MBD5: variants seen among roughly 807,000 people sequenced by gnomAD.
The protein encoded by MBD5 is methyl-CpG binding domain protein 5, also known as methyl-CpG-binding domain protein 5.
In MBD5, 13 loss-of-function variants were observed where a neutral mutation model predicts 117.3. The ratio of observed to expected loss-of-function variants is 0.11; its 90% CI spans 0.07 to 0.18. The LOEUF (loss-of-function observed/expected upper bound fraction) is 0.18, where lower values mean the gene tolerates loss of function less well. Ranked by LOEUF, MBD5 falls within the 10% of genes least tolerant of loss-of-function variation. MBD5 has a pLI of 1.00. For missense variants in MBD5, 1,879 were observed against 2,093.8 expected (o/e 0.90, Z 2.00); for synonymous variants, 727 against 766.4 (o/e 0.95, Z 0.85).
chr2:148,231,071 A>AC (rs892273290), intron 2 of MBD5, among the ~76,000 whole-genome samples: 1 of 151,228 alleles, frequency 6.6e-6, no homozygotes, highest in East Asian at 2.0e-4. Context: ...TAAGTCACAT[A>AC]CCCCCCTCCT....
rs760555137 is a variant in MBD5 at position 148,512,986 on chromosome 2, C to T, written c.*45C>T. The T allele has an allele frequency of 6.5e-7, 1 of 1,529,148 alleles. No homozygotes were observed. Among genetic ancestry groups the T allele is most frequent in the Non-Finnish European group, 9.1e-7 (1 of 1,103,196 alleles). The allele number at this position is 1,529,148 out of a possible 1,614,324, so 94.7% of individuals were successfully genotyped here. A position where few individuals can be genotyped will look rare whatever the true frequency, so the allele number is the denominator to read the frequency against. ...GCGCAGTGTTTATTAAAGGAACATGCACAGATGTATCTGTATATAGGTATT... is the reference window on the plus strand; with the variant it reads ...GCGCAGTGTTTATTAAAGGAACATGTACAGATGTATCTGTATATAGGTATT... On this transcript the variant is annotated 3_prime_UTR_variant, in exon 14 of 14. Coordinates refer to ENST00000642680, the MANE Select transcript of MBD5 (RefSeq NM_001378120.1).
intron 12 of MBD5, among the ~76,000 whole-genome samples, chr2:148,504,205 A>G (rs1179196377): frequency 6.6e-6 from 1 of 152,248 alleles, no homozygotes; most frequent in Non-Finnish European, 1.5e-5. Flanking sequence ...AACTTAAAGT[A>G]CAGTTTGGAG....
chr2:148,510,041 T>G lies in MBD5; in HGVS notation c.5037-19T>G, dbSNP rs1682170819. ...TTCTTTAATTTTTTAATCTGGTGTG[T>G]TGTTTTCATTAATTCCAGAAGTGGA... On this transcript the variant is annotated intron_variant, in intron 12 of 13. Transcript: ENST00000642680. 2 of 1,568,824 alleles carry G rather than the reference T, an allele frequency of 1.3e-6. No individual in the cohort carries two copies. Among genetic ancestry groups the G allele is most frequent in the Non-Finnish European group, 1.8e-6 (2 of 1,139,388 alleles).
At chr2:148,272,972 T>C (rs149947785) in intron 3 of MBD5, among the ~76,000 whole-genome samples, 82 of 152,330 alleles carry the variant, frequency 5.4e-4, no homozygotes, top group African/African-American at 1.9e-3. Flanking sequence ...AAAAGTCATG[T>C]ATTTCTAGAC....
intron 4 of MBD5, among the ~76,000 whole-genome samples, chr2:148,437,457 G>A (rs922661448): frequency 6.6e-6 from 1 of 151,842 alleles, no homozygotes; most frequent in Non-Finnish European, 1.5e-5. Flanking sequence ...CTGAAATTCT[G>A]AAACATCAAA....
At chr2:148,372,620 A>G (rs2105372940) in intron 4 of MBD5, among the ~76,000 whole-genome samples, 1 of 152,162 alleles carries the variant, frequency 6.6e-6, no homozygotes, top group Non-Finnish European at 1.5e-5. Context: ...TGAGAAAGAT[A>G]GTAGTGGTGA....
At chr2:148,328,142 T>A (rs1444884045) in intron 3 of MBD5, among the ~76,000 whole-genome samples, 2 of 152,208 alleles carry the variant, frequency 1.3e-5, no homozygotes, top group Non-Finnish European at 2.9e-5. Flanking sequence ...TGCCTCCTAG[T>A]TAGGCTGCTC....
intron 1 of MBD5, chr2:148,044,820 A>G (rs537070861): frequency 1.6e-4 from 25 of 152,202 alleles, no homozygotes; most frequent in African/African-American, 4.8e-4. Flanking sequence ...CATGTCTCCT[A>G]TGGTCATCCA....
At chr2:148,166,139 CT>C (rs1297843303) in intron 1 of MBD5, among the ~76,000 whole-genome samples, 1 of 152,102 alleles carries the variant, frequency 6.6e-6, no homozygotes, top group Non-Finnish European at 1.5e-5. Context: ...CTCAGAAGCT[CT>C]TTATGGTTGC....
chr2:148,413,545 G>C (rs1410381291), intron 4 of MBD5, among the ~76,000 whole-genome samples: 1 of 147,772 alleles, frequency 6.8e-6, no homozygotes, highest in Non-Finnish European at 1.5e-5. Flanking sequence ...CAGTAGAAAT[G>C]GTACCAGATC....
At chr2:148,257,503 A>G (rs1307815342) in intron 3 of MBD5, among the ~76,000 whole-genome samples, 1 of 152,210 alleles carries the variant, frequency 6.6e-6, no homozygotes, top group East Asian at 1.9e-4. Context: ...ACCCGACCAG[A>G]TAACTCCCAA....
chr2:148,498,305 C>T (rs1470789057), intron 11 of MBD5, among the ~76,000 whole-genome samples: 3 of 152,190 alleles, frequency 2.0e-5, no homozygotes, highest in Admixed American at 6.5e-5. Flanking sequence ...AACATCATCT[C>T]CGGTTAACCA....
intron 1 of MBD5, among the ~76,000 whole-genome samples, chr2:148,131,568 C>A (rs1447414455): frequency 6.6e-6 from 1 of 152,086 alleles, no homozygotes; most frequent in East Asian, 1.9e-4. Flanking sequence ...TGGTGGCATG[C>A]AGCTTCAGTC....
chr2:148,309,278 A>G (rs1701969654), intron 3 of MBD5, among the ~76,000 whole-genome samples: 3 of 152,146 alleles, frequency 2.0e-5, no homozygotes, highest in South Asian at 4.1e-4. Context: ...GATTCTTCCT[A>G]TCCATGAACG....
intron 4 of MBD5, among the ~76,000 whole-genome samples, chr2:148,365,597 GA>G (rs1389124280): frequency 1.3e-5 from 2 of 152,066 alleles, no homozygotes; most frequent in East Asian, 1.9e-4. Context: ...CAATAAAAAA[GA>G]AAAAGGAGAA....
chr2:148,374,884 T>G (rs1166186633), intron 4 of MBD5, among the ~76,000 whole-genome samples: 4 of 152,236 alleles, frequency 2.6e-5, no homozygotes, highest in Admixed American at 2.0e-4. Context: ...TATTTTTTAC[T>G]CCTATGTATG....
chr2:148,063,323 T>C (rs1238182455), intron 1 of MBD5, among the ~76,000 whole-genome samples: 1 of 152,172 alleles, frequency 6.6e-6, no homozygotes, highest in East Asian at 1.9e-4. Context: ...ATCCAAATTT[T>C]AATTGATGCA....
At chr2:148,373,695 A>C (rs1229978999) in intron 4 of MBD5, among the ~76,000 whole-genome samples, 1 of 152,176 alleles carries the variant, frequency 6.6e-6, no homozygotes, top group Non-Finnish European at 1.5e-5. Flanking sequence ...TCTTGAGATG[A>C]GTAACATTTA....
At chr2:148,392,258 A>G (rs1182269474) in intron 4 of MBD5, among the ~76,000 whole-genome samples, 1 of 152,200 alleles carries the variant, frequency 6.6e-6, no homozygotes, top group African/African-American at 2.4e-5. Context: ...AATCTTTGTT[A>G]TGGTTTTTGA....
Sources: allele counts gnomAD v4.1 joint callset (sites outside exome capture counted in the v4.1 genomes callset), GRCh38; gene constraint gnomAD v4.1.1; transcripts MANE v1.5; gene names NCBI Gene and HGNC (gene_info 2026-07-23, HGNC 2026-07-21).